The following ZNF112 variants were observed in gnomAD, a reference collection of about 807,000 sequenced individuals.
ZNF112 encodes zinc finger protein 112, also known as zinc finger protein 112 (Y14).
A neutral mutation model predicts 77.7 loss-of-function variants in ZNF112; 37 were observed. The ratio of observed to expected loss-of-function variants is 0.48; its 90% CI spans 0.37 to 0.63. ZNF112 has a LOEUF of 0.63. ZNF112 is among the 20% of genes least tolerant of loss of function. The probability of loss-of-function intolerance (pLI) is 0.00; values close to 1 mark genes in which losing one functional copy is unlikely to be tolerated. For missense variants in ZNF112, 950 were observed against 1,077.4 expected, an observed-to-expected ratio of 0.88 and a Z score of 1.66; for synonymous variants, 333 against 363.6, an observed-to-expected ratio of 0.92 and a Z score of 0.96.
chr19:44,334,480 G>A (rs1970328811), intron 3 of ZNF112, among the ~76,000 whole-genome samples: 1 of 152,220 alleles, frequency 6.6e-6, no homozygotes, highest in Non-Finnish European at 1.5e-5. Flanking sequence ...AAGAGGAGCT[G>A]AATGTTAATA....
chr19:44,328,744 A>G lies in ZNF112; in HGVS notation c.1413T>C (p.Ser471=). 2 of 1,614,044 alleles carry G rather than the reference A, an allele frequency of 1.2e-6. No individual in the cohort carries two copies. The highest frequency in any genetic ancestry group is 1.7e-6 in the Non-Finnish European group (2 of 1,179,940). The change falls in exon 4 of 4, where the codon AGT becomes AGC. Residue 471 remains serine, a synonymous_variant. Coordinates refer to ENST00000354340, the MANE Select transcript of ZNF112 (RefSeq NM_013380.4). The part of the protein sequence containing the change: ...KEQPYKRYVC[S]NSFSHNLYLQ... ...GATATAAATTATGGCTGAAGCTGTT[A>G]CTACACACATAGCGTTTATATGGTT... is the stretch of plus-strand genomic sequence containing the variant.
At chr19:44,338,177 C>G (rs1318116417) in intron 2 of ZNF112, among the ~76,000 whole-genome samples, 1 of 151,950 alleles carries the variant, frequency 6.6e-6, no homozygotes, top group African/African-American at 2.4e-5. Context: ...AAACTATAAA[C>G]CTTTAAAAAA....
chr19:44,328,330 C>T lies in ZNF112; in HGVS notation c.1827G>A (p.Gly609=). ...GGTGTGAACTCCGACTGAAGCCCTT[C>T]CCACACTCCTCACACTTGTATGGTT... ...GEKPYKCEEC[G]KGFSRSSHLQ... The change falls in exon 4 of 4, where the codon GGG becomes GGA. Residue 609 remains glycine, a synonymous_variant. Coordinates refer to ENST00000354340, the MANE Select transcript of ZNF112 (RefSeq NM_013380.4). The T allele has an allele frequency of 6.2e-7, 1 of 1,612,982 alleles. No homozygotes were observed. Among genetic ancestry groups the T allele is most frequent in the Non-Finnish European group, 8.5e-7 (1 of 1,179,704 alleles).
At chr19:44,366,978 G>A (rs1970910776) in intron 1 of ZNF112, 2 of 450,728 alleles carry the variant, frequency 4.4e-6, no homozygotes, top group Admixed American at 4.7e-5. Context: ...GAAGGTGGCA[G>A]AACTGCCTGG....
intron 1 of ZNF112, among the ~76,000 whole-genome samples, chr19:44,350,447 C>T (rs554079941): frequency 6.6e-6 from 1 of 152,118 alleles, no homozygotes; most frequent in African/African-American, 2.4e-5. Flanking sequence ...GAACTTCCCT[C>T]AAGCATTACT....
At position 44,328,796 on chromosome 19, in the gene ZNF112, T is replaced by G; in HGVS notation, c.1361A>C (p.Asp454Ala). Residue 454 changes from aspartate to alanine, a missense_variant, in exon 4 of 4, where the codon GAC (aspartate) becomes GCC (alanine). Asp to Ala is a moderately radical substitution (Grantham distance 126). This residue lies in a region of ZNF112 where 560 missense variants were observed against 557.3 expected (regional missense o/e 1.00). Coordinates refer to ENST00000354340, the MANE Select transcript of ZNF112 (RefSeq NM_013380.4). ...TTCCTTAGTGTGGACTATCTGAAGG[T>G]CCTGAAAATGTGAGGCCAGACTGAA... is the stretch of plus-strand genomic sequence containing the variant. ...NGFSLASHFQ[D>A]LQIVHTKEQP... The G allele has an allele frequency of 6.2e-7, 1 of 1,614,078 alleles. No individual in the cohort carries two copies. The highest frequency in any genetic ancestry group is 2.2e-5 in the East Asian group (1 of 44,872).
At chr19:44,348,768 G>A (rs1970640784) in intron 1 of ZNF112, among the ~76,000 whole-genome samples, 1 of 152,062 alleles carries the variant, frequency 6.6e-6, no homozygotes, top group Non-Finnish European at 1.5e-5. Context: ...ATATCAAAAT[G>A]TAAGAGATGC....
chr19:44,329,681 C>A lies in ZNF112; in HGVS notation c.476G>T (p.Gly159Val), dbSNP rs1479837190. The A allele has an allele frequency of 1.8e-5, 29 of 1,614,014 alleles. 1 individual carries two copies. The Admixed American group carries it at 4.8e-4, about 27-fold the overall frequency. ...CCCTTGACTTTTTATATAATTGGAG[C>A]CATTCCCTATATGAGTGAATATATA... The part of the protein sequence containing the change: ...KNYIFTHIGN[G>V]SNYIKSQGYP... The change falls in exon 4 of 4, where the codon GGC becomes GTC. Residue 159 changes from glycine (G) to valine (V), a missense_variant. Gly to Val is a moderately radical substitution (Grantham distance 109). Transcript: ENST00000354340.
At chr19:44,352,249 A>C (rs1223702986) in intron 1 of ZNF112, among the ~76,000 whole-genome samples, 1 of 152,152 alleles carries the variant, frequency 6.6e-6, no homozygotes, top group African/African-American at 2.4e-5. Flanking sequence ...AAGTTAAAAA[A>C]TAAATGTTAA....
intron 1 of ZNF112, among the ~76,000 whole-genome samples, chr19:44,366,811 T>A (rs1970909477): frequency 6.6e-6 from 1 of 151,878 alleles, no homozygotes; most frequent in Admixed American, 6.6e-5. Flanking sequence ...AAAAAAAAAA[T>A]TAATAAAATG....
chr19:44,359,315 CTTTTTTTTTTT>C (rs767955186), upstream of ZNF112, among the ~76,000 whole-genome samples: 11 of 54,834 alleles, frequency 2.0e-4, no homozygotes, highest in East Asian at 1.0e-3. Flanking sequence ...TATTAGAGTT[CTTTTTTTTTTT>C]TTTTTTTTTT....
At chr19:44,362,470 G>C (rs1307616852) in intron 1 of ZNF112, among the ~76,000 whole-genome samples, 4 of 151,862 alleles carry the variant, frequency 2.6e-5, no homozygotes, top group Non-Finnish European at 5.9e-5. Flanking sequence ...TGGGATTTTT[G>C]AGGTGAAAAG....
chr19:44,337,252 T>G (rs1970385961), intron 2 of ZNF112, among the ~76,000 whole-genome samples: 1 of 141,624 alleles, frequency 7.1e-6, no homozygotes. Context: ...TTTTTATATA[T>G]TACATATATT....
chr19:44,327,974 G>A lies in ZNF112; in HGVS notation c.2183C>T (p.Ala728Val). The A allele has an allele frequency of 6.2e-7, 1 of 1,613,788 alleles. No individual in the cohort carries two copies. The highest frequency in any genetic ancestry group is 8.5e-7 in the Non-Finnish European group (1 of 1,179,926). ...GACTCTCTGATGACCTTGAAGATATGCTCTCTGACTGAAGCCCTTTCCACA... is the reference window on the plus strand; with the variant it reads ...GACTCTCTGATGACCTTGAAGATATACTCTCTGACTGAAGCCCTTTCCACA... ...EVCGKGFSQR[A>V]YLQGHQRVHT... Residue 728 changes from alanine to valine, a missense_variant, in exon 4 of 4, where the codon GCA becomes GTA. This residue lies in a region of ZNF112 where 373 missense variants were observed against 482.8 expected (regional missense o/e 0.77). Transcript: ENST00000354340.
intron 1 of ZNF112, among the ~76,000 whole-genome samples, chr19:44,349,574 C>T (rs73555197): frequency 0.071 from 10,783 of 151,690 alleles, 511 homozygotes; most frequent in African/African-American, 0.13. Context: ...ATAAATGGTC[C>T]GAAAAATTAG....
At chr19:44,336,523 TG>T in intron 3 of ZNF112, 99 bp downstream of exon 3, 1 of 995,814 alleles carries the variant, frequency 1.0e-6, no homozygotes, top group Non-Finnish European at 1.6e-6. Flanking sequence ...ATGTGTGAAA[TG>T]GGGAGCCACA....
In ZNF112 at chr19:44,328,564, T is replaced by C. The variant is rs1434131347; in HGVS notation, c.1593A>G (p.Arg531=). ...CNICGKGFNH[R]SVLNVHQRVH... Reference sequence around the variant, plus strand: ...CTCTCTGATGAACATTCAGAACTGATCTATGATTGAAACCTTTGCCGCATA... The same window carrying C: ...CTCTCTGATGAACATTCAGAACTGACCTATGATTGAAACCTTTGCCGCATA... The change falls in exon 4 of 4, where the codon AGA becomes AGG. Residue 531 remains arginine, a synonymous_variant. Transcript: ENST00000354340. 1 of 1,604,462 alleles carries C rather than the reference T, an allele frequency of 6.2e-7. No individual in the cohort carries two copies. Among genetic ancestry groups the C allele is most frequent in the African/African-American group, 1.3e-5 (1 of 74,358 alleles).
intron 3 of ZNF112, among the ~76,000 whole-genome samples, chr19:44,332,204 C>A (rs1340877296): frequency 6.6e-6 from 1 of 152,028 alleles, no homozygotes; most frequent in Non-Finnish European, 1.5e-5. Context: ...CAAAAAAACC[C>A]AAAATGGTGT....
chr19:44,340,170 C>G (rs1295373793), intron 2 of ZNF112, among the ~76,000 whole-genome samples: 6 of 152,136 alleles, frequency 3.9e-5, no homozygotes, highest in Non-Finnish European at 8.8e-5. Flanking sequence ...AATAAACTTA[C>G]TAACCTGGAA....
Sources: gnomAD v4.1 joint callset for allele counts (sites outside exome capture counted in the v4.1 genomes callset) on GRCh38, gnomAD v4.1.1 for gene constraint, gnomAD v4.1.1 regional missense constraint, MANE v1.5 for transcripts, NCBI Gene and HGNC (gene_info 2026-07-23, HGNC 2026-07-21) for gene names.